The following GSE1 variants were observed in gnomAD, a reference collection of about 807,000 sequenced individuals.
The protein encoded by GSE1 is Gse1 coiled-coil protein.
In GSE1, 32 loss-of-function variants were observed where a neutral mutation model predicts 112.6. The ratio of observed to expected loss-of-function variants is 0.28; its 90% CI spans 0.21 to 0.38. The LOEUF (loss-of-function observed/expected upper bound fraction) is 0.38. Among genes scored for constraint, GSE1 ranks in the 10% least tolerant of loss-of-function variants. The pLI, the probability that GSE1 is intolerant of heterozygous loss-of-function variation, is 1.00. For synonymous variants in GSE1, 1,115 were observed against 735.6 expected, an observed-to-expected ratio of 1.52 and a Z score of -8.35; for missense variants, 2,348 against 1,699.2, an observed-to-expected ratio of 1.38 and a Z score of -6.71.
At chr16:85,451,427 G>A (rs113551046) in intron 2 of GSE1, among the ~76,000 whole-genome samples, 17 of 150,964 alleles carry the variant, frequency 1.1e-4, no homozygotes, top group South Asian at 1.1e-3. Context: ...TGGTGCGTGC[G>A]CTGGTGGTGG....
intron 2 of GSE1, among the ~76,000 whole-genome samples, chr16:85,519,129 A>G (rs1420214014): frequency 6.6e-6 from 1 of 152,186 alleles, no homozygotes; most frequent in Non-Finnish European, 1.5e-5. Flanking sequence ...GGGCTAAATG[A>G]GGTACTGGGT....
chr16:85,424,303 G>A (rs2048917354), intron 2 of GSE1, among the ~76,000 whole-genome samples: 1 of 152,256 alleles, frequency 6.6e-6, no homozygotes, highest in South Asian at 2.1e-4. Context: ...GAGGCTTGAG[G>A]TTCTTGGCGA....
upstream of GSE1, among the ~76,000 whole-genome samples, chr16:85,606,744 G>A (rs1216166838): frequency 6.6e-6 from 1 of 152,232 alleles, no homozygotes; most frequent in Non-Finnish European, 1.5e-5. Context: ...GGGACACTTA[G>A]ACTTGGCCAG....
intron 2 of GSE1, among the ~76,000 whole-genome samples, chr16:85,384,800 C>T (rs1220353874): frequency 2.8e-5 from 4 of 144,652 alleles, no homozygotes; most frequent in Admixed American, 1.3e-4. Flanking sequence ...GGAAACAGGT[C>T]CTCCAGCGCC....
chr16:85,290,808 GT>G (rs66703263), intron 1 of GSE1, among the ~76,000 whole-genome samples: 3,710 of 152,198 alleles, frequency 0.024, 66 homozygotes, highest in Middle Eastern at 0.044. Flanking sequence ...CCAGTGCCAT[GT>G]CCTGCATTCT....
chr16:85,445,372 C>T (rs1054208295), intron 2 of GSE1, among the ~76,000 whole-genome samples: 3 of 152,324 alleles, frequency 2.0e-5, no homozygotes, highest in South Asian at 2.1e-4. Flanking sequence ...ACATGGGGGG[C>T]GGGAGAGGCT....
rs189850821 is a variant in GSE1, at chr16:85,179,600, C to A, written c.2283+7793C>A. Among the ~76,000 whole-genome samples the A allele has an allele frequency of 5.3e-5, 8 of 152,264 alleles. No homozygotes were observed. In the East Asian group the frequency reaches 1.5e-3, roughly 29 times the overall value. ...TTGGGGGTTTTCAGCAGGCAAATGA[C>A]GTGATAGGGCTTAGGTTTGGAAAAG... On this transcript the variant is annotated intron_variant, in intron 1 of 2. Coordinates refer to the GSE1 transcript ENST00000637419.
At chr16:85,624,824 C>CG (rs1362897216) in intron 1 of GSE1, among the ~76,000 whole-genome samples, 1 of 152,214 alleles carries the variant, frequency 6.6e-6, no homozygotes, top group East Asian at 1.9e-4. Context: ...CCCCAGGTAC[C>CG]GCCAAGGGCA....
intron 1 of GSE1, among the ~76,000 whole-genome samples, chr16:85,250,006 G>C (rs1405930479): frequency 6.6e-6 from 1 of 152,240 alleles, no homozygotes; most frequent in Non-Finnish European, 1.5e-5. Context: ...CCAAGCTGTT[G>C]CGGGGTCCTC....
intron 1 of GSE1, among the ~76,000 whole-genome samples, chr16:85,352,054 G>C (rs1470727010): frequency 6.6e-6 from 1 of 152,074 alleles, no homozygotes; most frequent in Non-Finnish European, 1.5e-5. Context: ...GGATCTCATG[G>C]ACTAATAAAA....
Position 85,498,226 on chromosome 16 carries a change from C to T in GSE1, c.2465-135688C>T, listed in dbSNP as rs140935529. ...CTCCCAGCCTGTGCCCATCCTTCCA[C>T]GGCACTGAACTGCTGGGGTGTCCTC... On this transcript the variant is annotated intron_variant, in intron 2 of 2. Coordinates refer to the GSE1 transcript ENST00000637419. Among the ~76,000 whole-genome samples, 40 of 152,272 alleles carry T rather than the reference C, an allele frequency of 2.6e-4. No homozygotes were observed. In the East Asian group the frequency reaches 4.8e-3, roughly 18 times the overall value.
In GSE1 at chr16:85,656,398, C is replaced by G; in HGVS notation, c.1045C>G (p.Arg349Gly). ...GAGGGAGCGCGAGCGCGAGCGCGAG[C>G]GTGAGCGTGAGGCTGACCGCGAGCG... is the stretch of plus-strand genomic sequence containing the variant. ...RERERERERE[R>G]EREADREREK... The change falls in exon 7 of 16, where the codon CGT becomes GGT. Residue 349 changes from arginine (R) to glycine (G), a missense_variant. Arg to Gly is a moderately radical substitution (Grantham distance 125). Transcript: ENST00000253458. The G allele has an allele frequency of 2.1e-6, 3 of 1,462,148 alleles. No homozygotes were observed. The highest frequency in any genetic ancestry group is 2.8e-6 in the Non-Finnish European group (3 of 1,083,670). 90.6% of individuals were successfully genotyped at this position (1,462,148 alleles called of 1,614,324 possible).
chr16:85,615,750 G>C (rs930318230), intron 1 of GSE1, among the ~76,000 whole-genome samples: 4 of 152,212 alleles, frequency 2.6e-5, no homozygotes, highest in Non-Finnish European at 4.4e-5. Context: ...AAAGGGGCTT[G>C]TACATCTCCA....
intron 1 of GSE1, among the ~76,000 whole-genome samples, chr16:85,332,816 G>A (rs2046404149): frequency 6.6e-6 from 1 of 152,098 alleles, no homozygotes; most frequent in Non-Finnish European, 1.5e-5. Context: ...GTCATTGCTT[G>A]TCTTTTGAGT....
intron 2 of GSE1, among the ~76,000 whole-genome samples, chr16:85,386,339 A>C (rs1190202983): frequency 6.6e-6 from 1 of 152,236 alleles, no homozygotes; most frequent in African/African-American, 2.4e-5. Context: ...AAACCTGGTC[A>C]TGCCATCTTA....
At chr16:85,230,459 G>T (rs1026596818) in intron 1 of GSE1, among the ~76,000 whole-genome samples, 11 of 152,142 alleles carry the variant, frequency 7.2e-5, no homozygotes, top group African/African-American at 2.2e-4. Context: ...TTACTGACTC[G>T]TGTAACCGAT....
At chr16:85,555,947 C>T (rs2045188563), upstream of GSE1, 1 of 982,450 alleles carries the variant, frequency 1.0e-6, no homozygotes, top group Non-Finnish European at 1.2e-6. Context: ...CCGCCGCGCT[C>T]CCCCCTCCTT....
rs565094465 is a variant in GSE1, at chr16:85,170,666, A to G, written c.1142A>G (p.His381Arg). The change falls in exon 1 of 3, where the codon CAC (histidine) becomes CGC (arginine). Residue 381 changes from histidine to arginine, a missense_variant. His to Arg is a conservative substitution (Grantham distance 29, BLOSUM62 0). Transcript: ENST00000637419. ...GGGGCCCCGCTGTCCCCGGCCTCGC[A>G]CCACCAGGTCCACGTGCAGAAGCAG... 159 of 985,688 alleles carry G rather than the reference A, an allele frequency of 1.6e-4. 2 individuals carry two copies. The South Asian group carries it at 6.6e-3, about 41-fold the overall frequency. The allele number at this position is 985,688 out of a possible 1,614,324, so 61.1% of individuals were successfully genotyped here.
chr16:85,665,999 C>T lies in GSE1; in HGVS notation c.2782C>T (p.Leu928=), dbSNP rs761246164. 6.2e-7 allele frequency: 1 copy of T among 1,613,374 alleles called. No homozygotes were observed. Among genetic ancestry groups the T allele is most frequent in the Non-Finnish European group, 8.5e-7 (1 of 1,179,952 alleles). Residue 928 remains leucine, a synonymous_variant, in exon 13 of 16, where the codon CTG becomes TTG. Transcript: ENST00000253458. ...LSEPATQQAS[L]DVEKPVGVAA... ...AGAACCAGCCACGCAGCAAGCCTCT[C>T]TGGATGTGGAGAAGCCGGTTGGTGT... is the stretch of plus-strand genomic sequence containing the variant.
Sources: allele counts gnomAD v4.1 joint callset (sites outside exome capture counted in the v4.1 genomes callset), GRCh38; gene constraint gnomAD v4.1.1; transcripts MANE v1.5; gene names NCBI Gene and HGNC (gene_info 2026-07-23, HGNC 2026-07-21).